ITGB1: variants seen among roughly 807,000 people sequenced by gnomAD.
The protein encoded by ITGB1 is integrin beta-1.
ITGB1 carries 24 observed loss-of-function variants against 86.5 expected under a neutral mutation model. The observed-to-expected ratio is 0.28, with a 90% CI of 0.20 to 0.39. The LOEUF is 0.39. Among genes scored for constraint, ITGB1 ranks in the 10% least tolerant of loss-of-function variants. ITGB1 has a pLI of 1.00. For missense variants in ITGB1, 556 were observed against 946.9 expected, an observed-to-expected ratio of 0.59 and a Z score of 5.42; for synonymous variants, 323 against 316.8, an observed-to-expected ratio of 1.02 and a Z score of -0.21.
At position 32,928,104 on chromosome 10, in the gene ITGB1, G is replaced by T; in HGVS notation, c.537C>A (p.Asp179Glu). 1 of 1,578,684 alleles carries T rather than the reference G, an allele frequency of 6.3e-7. No homozygotes were observed. The highest frequency in any genetic ancestry group is 8.6e-7 in the Non-Finnish European group (1 of 1,156,452). The change falls in exon 5 of 16, where the codon GAC (aspartate) becomes GAA (glutamate). Residue 179 changes from aspartate (D) to glutamate (E), a missense_variant. Physicochemically the swap from Asp to Glu is conservative, Grantham distance 45 (BLOSUM62 2). Transcript: ENST00000302278. ...LMNEMRRITSDFRIGFGSFVE... is the reference protein window; with the variant it reads ...LMNEMRRITSEFRIGFGSFVE... ...TCCCAACATTCCTACCAATTCTGAAGTCCGAAGTAATCCTCCTCATTTCAT... is the reference window on the plus strand; with the variant it reads ...TCCCAACATTCCTACCAATTCTGAATTCCGAAGTAATCCTCCTCATTTCAT...
At chr10:32,944,455 A>G (rs1042709732) in intron 1 of ITGB1, 2 of 349,588 alleles carry the variant, frequency 5.7e-6, no homozygotes, top group Non-Finnish European at 1.1e-5. Flanking sequence ...CAACAGCACT[A>G]GTTGTCGCGC....
chr10:32,951,950 T>C (rs1157855102), intron 1 of ITGB1, among the ~76,000 whole-genome samples: 2 of 152,320 alleles, frequency 1.3e-5, no homozygotes, highest in South Asian at 2.1e-4. Flanking sequence ...TGCGTAATTA[T>C]ATCCACTTTT....
chr10:32,926,831 A>T (rs1286766979), intron 5 of ITGB1, among the ~76,000 whole-genome samples: 1 of 152,198 alleles, frequency 6.6e-6, no homozygotes, highest in Admixed American at 6.5e-5. Flanking sequence ...GCAAGAAGGT[A>T]TCATCTATGA....
rs201006768 is a variant in ITGB1 at position 32,911,995 on chromosome 10, G to A, written c.1599C>T (p.Cys533=). 5.1e-5 allele frequency: 82 copies of A among 1,613,918 alleles called. No homozygotes were observed. The South Asian group carries it at 5.6e-4, about 11-fold the overall frequency. The change falls in exon 12 of 16, where the codon TGC becomes TGT. Residue 533 remains cysteine (C), a synonymous_variant. Transcript: ENST00000302278. ...EICSNNGECV[C]GQCVCRKRDN... ...CCCTCTTCCTACAAACACACTGTCC[G>A]CAGACGCACTCTCCATTGTTACTGC...
At chr10:32,954,795 C>T (rs1302569460) in intron 1 of ITGB1, among the ~76,000 whole-genome samples, 1 of 152,178 alleles carries the variant, frequency 6.6e-6, no homozygotes, top group Non-Finnish European at 1.5e-5. Context: ...CTCATGCACA[C>T]ACACGTTTCA....
At chr10:32,937,983 G>GA (rs1593879164) in intron 1 of ITGB1, among the ~76,000 whole-genome samples, 1 of 152,228 alleles carries the variant, frequency 6.6e-6, no homozygotes, top group East Asian at 1.9e-4. Context: ...GCACCCGAGA[G>GA]AAAAGAGTTA....
At chr10:32,915,067 T>C (rs2094927334) in intron 11 of ITGB1, among the ~76,000 whole-genome samples, 1 of 152,206 alleles carries the variant, frequency 6.6e-6, no homozygotes, top group Non-Finnish European at 1.5e-5. Flanking sequence ...GAATGACTAC[T>C]GGATACATAA....
At chr10:32,948,613 T>G (rs2095036736) in intron 1 of ITGB1, among the ~76,000 whole-genome samples, 1 of 152,108 alleles carries the variant, frequency 6.6e-6, no homozygotes, top group Non-Finnish European at 1.5e-5. Context: ...TCTGCCCACA[T>G]GAATGGATTA....
chr10:32,925,830 A>G, intron 6 of ITGB1, 41 bp downstream of exon 6: 1 of 1,190,730 alleles, frequency 8.4e-7, no homozygotes, highest in African/African-American at 1.5e-5. Flanking sequence ...TCACACACAT[A>G]ATAGAAACAA....
chr10:32,936,865 TAG>T (rs1489759337), intron 1 of ITGB1, among the ~76,000 whole-genome samples: 1 of 152,172 alleles, frequency 6.6e-6, no homozygotes, highest in Non-Finnish European at 1.5e-5. Flanking sequence ...AAAAAAAGTT[TAG>T]GTTTAATCGT....
intron 11 of ITGB1, among the ~76,000 whole-genome samples, chr10:32,913,302 C>T (rs2504023): frequency 0.6 from 91,136 of 152,096 alleles, 31,160 homozygotes; most frequent in Non-Finnish European, 0.76. Context: ...GGAACAAAGC[C>T]GGACGGAGAA....
chr10:32,906,018 C>G (rs1348937890), intron 15 of ITGB1, among the ~76,000 whole-genome samples: 1 of 151,986 alleles, frequency 6.6e-6, no homozygotes, highest in African/African-American at 2.4e-5. Context: ...CAGTTACAAA[C>G]TTACATTTGA....
At chr10:32,951,464 G>T (rs757901173) in intron 1 of ITGB1, among the ~76,000 whole-genome samples, 1 of 151,776 alleles carries the variant, frequency 6.6e-6, no homozygotes, top group Non-Finnish European at 1.5e-5. Flanking sequence ...TGTGAGAAAC[G>T]GGAAAAAAAT....
chr10:32,925,471 C>A (rs1380200900), intron 6 of ITGB1, among the ~76,000 whole-genome samples: 1 of 152,068 alleles, frequency 6.6e-6, no homozygotes, highest in Non-Finnish European at 1.5e-5. Context: ...AGACACTCTC[C>A]CTTTGAGCAA....
chr10:32,930,703 G>A (rs982079810), intron 3 of ITGB1, among the ~76,000 whole-genome samples: 1 of 152,032 alleles, frequency 6.6e-6, no homozygotes, highest in African/African-American at 2.4e-5. Flanking sequence ...TATGACAAGG[G>A]TAAAAGGTCC....
At chr10:32,911,824 C>A (rs111244505) in intron 12 of ITGB1, 62 bp downstream of exon 12, 2 of 1,490,542 alleles carry the variant, frequency 1.3e-6, no homozygotes, top group Non-Finnish European at 9.2e-7. Context: ...CAACTAAACT[C>A]AAGATTTTTC....
intron 1 of ITGB1, among the ~76,000 whole-genome samples, chr10:32,952,195 CTT>C (rs1035191459): frequency 4.6e-5 from 7 of 151,930 alleles, no homozygotes; most frequent in African/African-American, 1.7e-4. Flanking sequence ...TATGAAAGCT[CTT>C]ATCAGCAAAT....
chr10:32,948,268 T>C (rs1034715749), intron 1 of ITGB1, among the ~76,000 whole-genome samples: 2 of 152,166 alleles, frequency 1.3e-5, no homozygotes, highest in African/African-American at 4.8e-5. Context: ...ACAAATGTGT[T>C]CATAAAGTAA....
intron 11 of ITGB1, among the ~76,000 whole-genome samples, chr10:32,913,810 A>C (rs1040494947): frequency 3.9e-5 from 6 of 152,188 alleles, no homozygotes; most frequent in Non-Finnish European, 8.8e-5. Flanking sequence ...CAGGAAATAC[A>C]GAGAAAGCCA....
Sources: gnomAD v4.1 joint callset for allele counts (sites outside exome capture counted in the v4.1 genomes callset) on GRCh38, gnomAD v4.1.1 for gene constraint, MANE v1.5 for transcripts, NCBI Gene and HGNC (gene_info 2026-07-23, HGNC 2026-07-21) for gene names.